The following POU6F2 variants were observed in gnomAD, a reference collection of about 807,000 sequenced individuals.
POU6F2 encodes the protein POU class 6 homeobox 2.
A neutral mutation model predicts 71.3 loss-of-function variants in POU6F2; 31 were observed. The ratio of observed to expected loss-of-function variants is 0.43; its 90% CI spans 0.33 to 0.59. The LOEUF (loss-of-function observed/expected upper bound fraction) is 0.59, where lower values mean the gene tolerates loss of function less well. Among genes scored for constraint, POU6F2 ranks in the 20% least tolerant of loss-of-function variants. The pLI, the probability that POU6F2 is intolerant of heterozygous loss-of-function variation, is 0.04. For synonymous variants in POU6F2, 347 were observed against 355.7 expected, an observed-to-expected ratio of 0.98 and a Z score of 0.27; for missense variants, 783 against 856.8, an observed-to-expected ratio of 0.91 and a Z score of 1.07.
chr7:39,334,923 G>A (rs1188713084), intron 4 of POU6F2, among the ~76,000 whole-genome samples: 1 of 152,106 alleles, frequency 6.6e-6, no homozygotes, highest in Admixed American at 6.5e-5. Context: ...GGCTGATCTG[G>A]GAGTTGCTTC....
Position 39,339,688 on chromosome 7 carries a change from CCAGCAGCAGCAGCAGCAG to C in POU6F2, c.659_676del (p.Gln220_Gln225del), listed in dbSNP as rs751710078. 25 of 1,597,884 alleles carry C rather than the reference CCAGCAGCAGCAGCAGCAG, an allele frequency of 1.6e-5. No individual in the cohort carries two copies. Among genetic ancestry groups the C allele is most frequent in the Non-Finnish European group, 2.0e-5 (24 of 1,175,010 alleles). Reference sequence around the variant, plus strand: ...AGCTCCAGCAGCTCCAGCTCCAGCTCCAGCAGCAGCAGCAGCAGCAGCAGCAGCAGCCTCCCCCGTCAA... The same window carrying C: ...AGCTCCAGCAGCTCCAGCTCCAGCTCCAGCAGCAGCAGCCTCCCCCGTCAA... On this transcript the variant is annotated inframe_deletion, in exon 5 of 10. Transcript: ENST00000518318.
At chr7:39,224,928 C>G (rs1472498391) in intron 4 of POU6F2, among the ~76,000 whole-genome samples, 1 of 152,172 alleles carries the variant, frequency 6.6e-6, no homozygotes, top group Non-Finnish European at 1.5e-5. Context: ...CTTGAATGTT[C>G]CAGAATATCA....
chr7:39,212,290 T>A (rs1176033350), intron 4 of POU6F2, among the ~76,000 whole-genome samples: 3 of 152,158 alleles, frequency 2.0e-5, no homozygotes, highest in Non-Finnish European at 4.4e-5. Context: ...GGCCTTTCTC[T>A]TGGGAACAGT....
At chr7:39,325,171 G>T (rs946746677) in intron 4 of POU6F2, among the ~76,000 whole-genome samples, 1 of 152,060 alleles carries the variant, frequency 6.6e-6, no homozygotes, top group Non-Finnish European at 1.5e-5. Context: ...TACAAATCTG[G>T]CAAAGGTATA....
At chr7:39,165,856 C>A (rs555696959) in intron 2 of POU6F2, among the ~76,000 whole-genome samples, 1 of 152,178 alleles carries the variant, frequency 6.6e-6, no homozygotes, top group Non-Finnish European at 1.5e-5. Flanking sequence ...TAGGAACTGA[C>A]CAGCCACACA....
chr7:39,136,551 T>C lies in POU6F2; in HGVS notation c.277+50520T>C, dbSNP rs549426327. Among the ~76,000 whole-genome samples the C allele has an allele frequency of 9.8e-5, 15 of 152,332 alleles. No homozygotes were observed. In the South Asian group the frequency reaches 1.9e-3, roughly 19 times the overall value. Reference sequence around the variant, plus strand: ...GTGGCTGGGGTGTAAATAAGTTTAGTACACATTTGTACAGGCTTTTAAGAA... The same window carrying C: ...GTGGCTGGGGTGTAAATAAGTTTAGCACACATTTGTACAGGCTTTTAAGAA... On this transcript the variant is annotated intron_variant, in intron 2 of 9. Transcript: ENST00000518318.
At chr7:39,266,183 A>G (rs1784236286) in intron 4 of POU6F2, among the ~76,000 whole-genome samples, 1 of 152,166 alleles carries the variant, frequency 6.6e-6, no homozygotes, top group Non-Finnish European at 1.5e-5. Flanking sequence ...TTCCCTTGGC[A>G]AAGAGCCACA....
intron 4 of POU6F2, among the ~76,000 whole-genome samples, chr7:39,300,604 C>A (rs1263835742): frequency 6.6e-6 from 1 of 152,016 alleles, no homozygotes; most frequent in East Asian, 1.9e-4. Context: ...ATCGAGGTGT[C>A]AGCAGGGGTG....
At chr7:39,072,570 G>T (rs1351700947) in intron 1 of POU6F2, among the ~76,000 whole-genome samples, 1 of 152,276 alleles carries the variant, frequency 6.6e-6, no homozygotes. Flanking sequence ...TTGACAACAC[G>T]TTAGCCATTC....
intron 1 of POU6F2, among the ~76,000 whole-genome samples, chr7:39,009,121 T>C (rs1224710343): frequency 9.2e-5 from 14 of 152,026 alleles, no homozygotes; most frequent in East Asian, 1.9e-4. Flanking sequence ...GGCAGTATGG[T>C]CATTTTCACG....
At chr7:39,007,708 G>C (rs1401766780) in intron 1 of POU6F2, among the ~76,000 whole-genome samples, 3 of 151,708 alleles carry the variant, frequency 2.0e-5, no homozygotes, top group African/African-American at 7.3e-5. Context: ...CCCAGAGTGT[G>C]ATATTCCCCT....
chr7:39,073,726 T>A (rs993268214), intron 1 of POU6F2, among the ~76,000 whole-genome samples: 2 of 152,242 alleles, frequency 1.3e-5, no homozygotes, highest in Non-Finnish European at 2.9e-5. Context: ...CTGCCCAGAC[T>A]GCTGGGAAGC....
At chr7:39,069,710 A>T (rs1041782102) in intron 1 of POU6F2, among the ~76,000 whole-genome samples, 5 of 152,202 alleles carry the variant, frequency 3.3e-5, no homozygotes, top group Admixed American at 1.3e-4. Flanking sequence ...AGTAAGCTAG[A>T]AAAGAAAAGG....
chr7:39,359,905 A>G (rs1054605542), intron 5 of POU6F2, among the ~76,000 whole-genome samples: 4 of 152,206 alleles, frequency 2.6e-5, no homozygotes, highest in Non-Finnish European at 5.9e-5. Flanking sequence ...AGACTAATCA[A>G]GCATGAAGGG....
chr7:39,023,437 G>A (rs142834230), intron 1 of POU6F2, among the ~76,000 whole-genome samples: 2,287 of 152,060 alleles, frequency 0.015, 19 homozygotes, highest in Non-Finnish European at 0.024. Context: ...ATGTCGCAAC[G>A]TCTAGAGACA....
intron 1 of POU6F2, among the ~76,000 whole-genome samples, chr7:39,003,401 T>C (rs1315195593): frequency 6.6e-6 from 1 of 151,926 alleles, no homozygotes; most frequent in East Asian, 1.9e-4. Context: ...AAAGAAATTA[T>C]ATTAGCACTC....
At chr7:39,201,963 A>G (rs191306618) in intron 2 of POU6F2, among the ~76,000 whole-genome samples, 4 of 152,282 alleles carry the variant, frequency 2.6e-5, no homozygotes, top group Non-Finnish European at 5.9e-5. Context: ...AAGAAGAAAC[A>G]TTACTTTTGG....
At chr7:39,282,300 C>G (rs998412433) in intron 4 of POU6F2, among the ~76,000 whole-genome samples, 1 of 152,028 alleles carries the variant, frequency 6.6e-6, no homozygotes, top group Non-Finnish European at 1.5e-5. Context: ...TTGGTATAGT[C>G]CTATCTGTCT....
At chr7:39,083,099 A>C (rs1394078508) in intron 1 of POU6F2, among the ~76,000 whole-genome samples, 2 of 152,210 alleles carry the variant, frequency 1.3e-5, no homozygotes, top group Non-Finnish European at 2.9e-5. Context: ...ATTTAAGTAC[A>C]CTTGAACTCA....
Sources: allele counts gnomAD v4.1 joint callset (sites outside exome capture counted in the v4.1 genomes callset), GRCh38; gene constraint gnomAD v4.1.1; transcripts MANE v1.5; gene names NCBI Gene and HGNC (gene_info 2026-07-23, HGNC 2026-07-21).